The following METTL15 variants were observed in gnomAD, a reference collection of about 807,000 sequenced individuals.
METTL15 encodes the protein methyltransferase 15, mitochondrial 12S rRNA N4-cytidine.
METTL15 carries 34 observed loss-of-function variants against 38.3 expected under a neutral mutation model. That is an observed-to-expected ratio of 0.89 (90% CI 0.68 to 1.18). The LOEUF (loss-of-function observed/expected upper bound fraction) is 1.18. Ranked by LOEUF, METTL15 falls within the 50% of genes most tolerant of loss-of-function variation. The pLI, the probability that METTL15 is intolerant of heterozygous loss-of-function variation, is 0.00. For missense variants in METTL15, 438 were observed against 498.4 expected (o/e 0.88, Z 1.15); for synonymous variants, 162 against 170.9 (o/e 0.95, Z 0.41).
At chr11:28,273,863 A>G (rs546976824) in intron 4 of METTL15, among the ~76,000 whole-genome samples, 1 of 152,148 alleles carries the variant, frequency 6.6e-6, no homozygotes, top group African/African-American at 2.4e-5. Context: ...ACTCAACAAA[A>G]ATTAGATTCT....
intron 4 of METTL15, among the ~76,000 whole-genome samples, chr11:28,268,923 A>G (rs532010433): frequency 2.8e-4 from 43 of 152,122 alleles, no homozygotes; most frequent in Non-Finnish European, 5.7e-4. Context: ...AGAGAGAGTA[A>G]AATATGGTAT....
intron 6 of METTL15, among the ~76,000 whole-genome samples, chr11:28,455,616 C>G (rs1041125298): frequency 5.3e-5 from 8 of 152,214 alleles, no homozygotes; most frequent in African/African-American, 1.7e-4. Flanking sequence ...TAACACATTC[C>G]TTTTGCAATG....
intron 4 of METTL15, among the ~76,000 whole-genome samples, chr11:28,278,030 A>C (rs1373451872): frequency 1.3e-5 from 2 of 152,208 alleles, no homozygotes; most frequent in African/African-American, 4.8e-5. Context: ...GGTGCTGGAC[A>C]CCCTAAATGC....
At chr11:28,506,274 C>G (rs1851626861) in intron 6 of METTL15, among the ~76,000 whole-genome samples, 1 of 152,130 alleles carries the variant, frequency 6.6e-6, no homozygotes, top group African/African-American at 2.4e-5. Context: ...GACTTAGTCC[C>G]TATTTTGATA....
At chr11:28,272,423 A>G (rs1379679713) in intron 4 of METTL15, among the ~76,000 whole-genome samples, 3 of 152,208 alleles carry the variant, frequency 2.0e-5, no homozygotes, top group Admixed American at 6.5e-5. Context: ...TTGCAGGGAC[A>G]TGGATGAAGC....
rs374716429 is a variant in METTL15, at chr11:28,211,210, C to A, written c.407+12C>A. 5.7e-6 allele frequency: 9 copies of A among 1,591,334 alleles called. 1 individual carries two copies. In the Middle Eastern group the frequency reaches 1.5e-3, roughly 267 times the overall value. ...TCAGAGTTGTATCCGTAAGTAATAC[C>A]CTTGCATATTTATTTGATTTTGGTT... On this transcript the variant is annotated intron_variant, in intron 4 of 6. Transcript: ENST00000407364.
intron 6 of METTL15, among the ~76,000 whole-genome samples, chr11:28,455,829 C>A (rs888428440): frequency 1.1e-4 from 16 of 152,102 alleles, no homozygotes; most frequent in African/African-American, 3.6e-4. Context: ...GCCTCAGCCT[C>A]CCGAGTAGCT....
intron 5 of METTL15, among the ~76,000 whole-genome samples, chr11:28,411,862 C>CA (rs1412733175): frequency 7.2e-5 from 11 of 151,928 alleles, no homozygotes; most frequent in Admixed American, 1.3e-4. Flanking sequence ...GGTTAATATC[C>CA]AAAATTTATA....
At chr11:28,224,284 A>G (rs1853379502) in intron 4 of METTL15, among the ~76,000 whole-genome samples, 1 of 151,874 alleles carries the variant, frequency 6.6e-6, no homozygotes, top group Non-Finnish European at 1.5e-5. Context: ...CAAAGTTTAA[A>G]ATCCATTTTG....
At chr11:28,112,468 G>A (rs1040575312) in intron 2 of METTL15, among the ~76,000 whole-genome samples, 1 of 152,158 alleles carries the variant, frequency 6.6e-6, no homozygotes, top group African/African-American at 2.4e-5. Context: ...CTTGAAACCA[G>A]CTGGGTATAA....
intron 6 of METTL15, among the ~76,000 whole-genome samples, chr11:28,329,987 T>C (rs1849762095): frequency 6.6e-6 from 1 of 152,210 alleles, no homozygotes; most frequent in Non-Finnish European, 1.5e-5. Context: ...GTTGGCATTT[T>C]TTTTGTTGTT....
At chr11:28,286,283 G>A (rs188603629) in intron 4 of METTL15, among the ~76,000 whole-genome samples, 239 of 152,232 alleles carry the variant, frequency 1.6e-3, no homozygotes, top group Admixed American at 3.9e-3. Flanking sequence ...TTTAATTAAA[G>A]TCAGTTGATT....
rs565284434 is a variant in METTL15, at chr11:28,279,616, C to A, written c.408-10590C>A. Among the ~76,000 whole-genome samples the A allele has an allele frequency of 9.2e-5, 14 of 152,202 alleles. No homozygotes were observed. The South Asian group carries it at 2.9e-3, about 32-fold the overall frequency. On this transcript the variant is annotated intron_variant, in intron 4 of 6. Transcript: ENST00000407364. ...ACATGATTGTCTTAGGAAAGACTAA[C>A]ATGGCCGGGTGCGGTGGCTCACGCC...
intron 4 of METTL15, among the ~76,000 whole-genome samples, chr11:28,276,538 A>G (rs1052735015): frequency 6.6e-6 from 1 of 152,146 alleles, no homozygotes; most frequent in Non-Finnish European, 1.5e-5. Flanking sequence ...AGATTTCACT[A>G]CAATCTGTAT....
intron 6 of METTL15, among the ~76,000 whole-genome samples, chr11:28,457,567 C>G (rs1328901128): frequency 6.6e-6 from 1 of 152,138 alleles, no homozygotes; most frequent in African/African-American, 2.4e-5. Flanking sequence ...CTTTTAGATG[C>G]TACGTGACTT....
Position 28,351,111 on chromosome 11 carries a change from A to T in METTL15, c.*190-979A>T, listed in dbSNP as rs201644994. ...ATAGACTGCTTAAAGCTATGAATTT[A>T]AAAAAAATTTTTTTTTTTTAAGATG... is the stretch of plus-strand genomic sequence containing the variant. On this transcript the variant is annotated intron_variant and NMD_transcript_variant, in intron 3 of 7. Coordinates refer to the METTL15 transcript ENST00000532947. 5.8e-3 allele frequency among the ~76,000 whole-genome samples: 458 copies of T among 79,500 alleles called. 2 individuals are homozygous for T. The highest frequency in any genetic ancestry group is 6.1e-3 in the Non-Finnish European group (216 of 35,246). 52.2% of individuals were successfully genotyped at this position (79,500 alleles called of 152,430 possible).
At chr11:28,264,067 A>G (rs929177186) in intron 4 of METTL15, among the ~76,000 whole-genome samples, 1 of 152,130 alleles carries the variant, frequency 6.6e-6, no homozygotes, top group Non-Finnish European at 1.5e-5. Flanking sequence ...TTAGGCCTAC[A>G]CAGTTTTATG....
At chr11:28,531,624 T>C (rs762467924), downstream of METTL15, among the ~76,000 whole-genome samples, 37 of 152,202 alleles carry the variant, frequency 2.4e-4, no homozygotes, top group Non-Finnish European at 4.0e-4. Flanking sequence ...TTGAGTACAC[T>C]AAGTTAGATG....
intron 4 of METTL15, among the ~76,000 whole-genome samples, chr11:28,262,706 A>G (rs1353888380): frequency 6.6e-6 from 1 of 152,136 alleles, no homozygotes; most frequent in Non-Finnish European, 1.5e-5. Context: ...GTATTTTTAT[A>G]TGATATGCCA....
Sources: allele counts gnomAD v4.1 joint callset (sites outside exome capture counted in the v4.1 genomes callset), GRCh38; gene constraint gnomAD v4.1.1; transcripts MANE v1.5; gene names NCBI Gene and HGNC (gene_info 2026-07-23, HGNC 2026-07-21).